The following NWD2 variants were observed in gnomAD, a reference collection of about 807,000 sequenced individuals.
NWD2 encodes NACHT and WD repeat domain containing 2.
NWD2 carries 37 observed loss-of-function variants against 132.7 expected under a neutral mutation model. That is an observed-to-expected ratio of 0.28 (90% CI 0.21 to 0.37). The LOEUF (loss-of-function observed/expected upper bound fraction) is 0.37. Ranked by LOEUF, NWD2 falls within the 10% of genes least tolerant of loss-of-function variation. NWD2 has a pLI of 1.00. For missense variants in NWD2, 1,592 were observed against 2,122.4 expected, an observed-to-expected ratio of 0.75 and a Z score of 4.91; for synonymous variants, 705 against 803.0, an observed-to-expected ratio of 0.88 and a Z score of 2.06.
In NWD2 at chr4:37,446,666, G is replaced by A; in HGVS notation, c.4678G>A (p.Val1560Met). ...AGATTTATACAGTGGTAAATTGCGG[G>A]TGGTTCACGCCTCTGGGATCATCTG... ...VLDLYSGKLRVVHASGIIWRQ... is the reference protein window; with the variant it reads ...VLDLYSGKLRMVHASGIIWRQ... The change falls in exon 7 of 7, where the codon GTG becomes ATG. Residue 1560 changes from valine to methionine, a missense_variant. Physicochemically the swap from Val to Met is conservative, Grantham distance 21. Around this residue, in one of 7 missense-constraint regions of NWD2, gnomAD observed 257 missense variants for 335.0 expected, o/e 0.77. Coordinates refer to ENST00000309447, the MANE Select transcript of NWD2 (RefSeq NM_001144990.2). The surrounding 1 kb of genome is among the most constrained non-coding windows in gnomAD (Gnocchi z 6.7). 1.3e-6 allele frequency: 2 copies of A among 1,551,452 alleles called. No individual in the cohort carries two copies. Among genetic ancestry groups the A allele is most frequent in the Non-Finnish European group, 1.7e-6 (2 of 1,146,984 alleles).
intron 5 of NWD2, among the ~76,000 whole-genome samples, chr4:37,437,446 C>T (rs1162636707): frequency 1.3e-5 from 2 of 152,144 alleles, no homozygotes; most frequent in Non-Finnish European, 1.5e-5. Flanking sequence ...CACACTGAAA[C>T]CTAATCAGGT....
intron 1 of NWD2, among the ~76,000 whole-genome samples, chr4:37,312,989 T>C (rs1169739820): frequency 4.6e-5 from 7 of 151,136 alleles, no homozygotes; most frequent in South Asian, 2.1e-4. Context: ...CACTTGATCA[T>C]GGTGGATAAG....
Position 37,444,240 on chromosome 4 carries a change from A to G in NWD2, c.2252A>G (p.Asp751Gly). 1 of 1,551,640 alleles carries G rather than the reference A, an allele frequency of 6.4e-7. No homozygotes were observed. The highest frequency in any genetic ancestry group is 8.7e-7 in the Non-Finnish European group (1 of 1,146,976). ...AAGCTATATCTGCAGGATGACAATG[A>G]CCTGCGTGAAATGCACACCATCTTA... ...AQKLYLQDDN[D>G]LREMHTILAD... Residue 751 changes from aspartate to glycine, a missense_variant, in exon 7 of 7, where the codon GAC becomes GGC. Transcript: ENST00000309447. This position sits in a 1 kb window ranked among gnomAD's most constrained non-coding sequence, Gnocchi z 4.8.
intron 4 of NWD2, among the ~76,000 whole-genome samples, chr4:37,432,336 G>A (rs941283010): frequency 6.3e-5 from 9 of 142,954 alleles, no homozygotes; most frequent in Admixed American, 2.1e-4. Context: ...AGATAATTAC[G>A]TTGAATAATA....
At chr4:37,303,616 T>G (rs1718650065) in intron 1 of NWD2, among the ~76,000 whole-genome samples, 2 of 152,184 alleles carry the variant, frequency 1.3e-5, no homozygotes, top group African/African-American at 4.8e-5. Flanking sequence ...TTCAATTTCT[T>G]TCATCATTGT....
rs906530775 is a variant in NWD2, at chr4:37,430,657, T to C, written c.443T>C (p.Ile148Thr). Residue 148 changes from isoleucine (I) to threonine (T), a missense_variant, in exon 4 of 7, where the codon ATA (isoleucine) becomes ACA (threonine). Physicochemically the swap from Ile to Thr is moderately conservative, Grantham distance 89. Around this residue, in one of 7 missense-constraint regions of NWD2, gnomAD observed 144 missense variants for 185.7 expected, o/e 0.78. Coordinates refer to ENST00000309447, the MANE Select transcript of NWD2 (RefSeq NM_001144990.2). ...SEFEMILDAA[I>T]EAKLETKLLE... Reference sequence around the variant, plus strand: ...TTTGAAATGATTTTGGATGCCGCCATAGAGGCAAAGCTGGAGACCAAGTTG... The same window carrying C: ...TTTGAAATGATTTTGGATGCCGCCACAGAGGCAAAGCTGGAGACCAAGTTG... The C allele has an allele frequency of 5.8e-5, 90 of 1,551,458 alleles. No homozygotes were observed. The highest frequency in any genetic ancestry group is 1.2e-4 in the Admixed American group (6 of 50,978).
intron 5 of NWD2, among the ~76,000 whole-genome samples, chr4:37,435,777 C>T (rs1177492512): frequency 6.6e-6 from 1 of 152,012 alleles, no homozygotes; most frequent in East Asian, 1.9e-4. Context: ...TCATGTGAGC[C>T]ACTACAAGTG....
chr4:37,327,736 A>G (rs966515358), intron 2 of NWD2, among the ~76,000 whole-genome samples: 4 of 152,146 alleles, frequency 2.6e-5, no homozygotes, highest in Admixed American at 2.6e-4. Context: ...ATAGTAGGTT[A>G]ATTATATCAC....
intron 2 of NWD2, among the ~76,000 whole-genome samples, chr4:37,345,086 G>A (rs6829099): frequency 0.97 from 147,104 of 152,308 alleles, 71,256 homozygotes; most frequent in East Asian, 1. Context: ...ATGCCATTGT[G>A]TGGATTATGT....
intron 3 of NWD2, among the ~76,000 whole-genome samples, chr4:37,417,556 A>T (rs989146321): frequency 6.6e-6 from 1 of 152,146 alleles, no homozygotes; most frequent in African/African-American, 2.4e-5. Flanking sequence ...ATTCAACTTT[A>T]TGTTATGTTA....
chr4:37,331,758 A>T (rs1419599140), intron 2 of NWD2, among the ~76,000 whole-genome samples: 1 of 152,224 alleles, frequency 6.6e-6, no homozygotes, highest in South Asian at 2.1e-4. Context: ...TTTTAACTTC[A>T]TGTCACTGGA....
chr4:37,374,110 G>C (rs768442254), intron 3 of NWD2, among the ~76,000 whole-genome samples: 2 of 152,184 alleles, frequency 1.3e-5, no homozygotes, highest in Non-Finnish European at 2.9e-5. Flanking sequence ...GTTTGGGTCA[G>C]GGGAGCAGAT....
intron 3 of NWD2, among the ~76,000 whole-genome samples, chr4:37,411,416 C>G (rs2109319220): frequency 6.6e-6 from 1 of 152,270 alleles, no homozygotes; most frequent in South Asian, 2.1e-4. Flanking sequence ...CACATATACC[C>G]TCCCAAGTCT....
chr4:37,365,854 A>G (rs1227721151), intron 3 of NWD2, among the ~76,000 whole-genome samples: 1 of 152,218 alleles, frequency 6.6e-6, no homozygotes, highest in Admixed American at 6.5e-5. Context: ...AGAATTATGG[A>G]GAAAAAGTGG....
At chr4:37,251,323 T>G (rs1717355299) in intron 1 of NWD2, among the ~76,000 whole-genome samples, 1 of 152,168 alleles carries the variant, frequency 6.6e-6, no homozygotes, top group South Asian at 2.1e-4. Context: ...ATTATAATCT[T>G]ATGGGACCAC....
intron 2 of NWD2, among the ~76,000 whole-genome samples, chr4:37,344,169 A>C (rs1036986253): frequency 6.6e-6 from 1 of 152,186 alleles, no homozygotes; most frequent in Non-Finnish European, 1.5e-5. Flanking sequence ...TTAATTTTTT[A>C]AAGTATGTAA....
intron 1 of NWD2, among the ~76,000 whole-genome samples, chr4:37,271,197 T>G (rs1717865200): frequency 6.6e-6 from 1 of 151,840 alleles, no homozygotes; most frequent in Non-Finnish European, 1.5e-5. Context: ...CTCTATTTTT[T>G]CCCACCAGAT....
chr4:37,448,794 T>C lies in NWD2; in HGVS notation c.*1577T>C, dbSNP rs1712710363. The C allele has an allele frequency of 6.6e-6, 1 of 152,206 alleles. No homozygotes were observed. Among genetic ancestry groups the C allele is most frequent in the Admixed American group, 6.5e-5 (1 of 15,276 alleles). The allele number at this position is 152,206 out of a possible 1,614,324, so 9.4% of individuals were successfully genotyped here. ...GTGATAGTTTCTGCTGTAGCCCTCA[T>C]AGGGACATTGGGAAGCAGTATAAGA... On this transcript the variant is annotated 3_prime_UTR_variant, in exon 7 of 7. Coordinates refer to ENST00000309447, the MANE Select transcript of NWD2 (RefSeq NM_001144990.2).
chr4:37,437,571 G>A (rs747361913), intron 5 of NWD2, among the ~76,000 whole-genome samples: 13 of 152,054 alleles, frequency 8.5e-5, no homozygotes, highest in South Asian at 2.1e-4. Context: ...GGCTGTCATC[G>A]TGCCTGGAAT....
Sources: allele counts gnomAD v4.1 joint callset (sites outside exome capture counted in the v4.1 genomes callset), GRCh38; gene constraint gnomAD v4.1.1; regional missense constraint gnomAD v4.1.1; non-coding constraint Gnocchi (gnomAD v3.1); transcripts MANE v1.5; gene names NCBI Gene and HGNC (gene_info 2026-07-23, HGNC 2026-07-21).